EML6: variants seen among roughly 807,000 people sequenced by gnomAD.
EML6 encodes EMAP like 6.
A neutral mutation model predicts 240.1 loss-of-function variants in EML6; 154 were observed. That is an observed-to-expected ratio of 0.64 (90% confidence interval 0.56 to 0.73). EML6 has a LOEUF of 0.73. Among genes scored for constraint, EML6 ranks in the 30% least tolerant of loss-of-function variants. EML6 has a pLI of 0.00. For synonymous variants in EML6, 1,148 were observed against 899.0 expected (o/e 1.28, Z -4.95); for missense variants, 2,964 against 2,474.6 (o/e 1.20, Z -4.20).
intron 1 of EML6, among the ~76,000 whole-genome samples, 186 bp downstream of exon 1, chr2:54,723,963 C>T (rs970399008): frequency 6.6e-6 from 1 of 152,196 alleles, no homozygotes; most frequent in East Asian, 1.9e-4. Flanking sequence ...CCGGGTCCCT[C>T]GGGCGACCCC....
intron 28 of EML6, among the ~76,000 whole-genome samples, chr2:54,944,107 A>C (rs1033251342): frequency 6.6e-6 from 1 of 151,620 alleles, no homozygotes; most frequent in African/African-American, 2.4e-5. Flanking sequence ...TTCACCCTCT[A>C]CCATCTACCC....
intron 14 of EML6, chr2:54,867,240 C>T: frequency 5.9e-6 from 1 of 170,416 alleles, no homozygotes; most frequent in South Asian, 1.9e-4. Flanking sequence ...TTTGCTGGCT[C>T]CACCATAGGA....
chr2:54,959,381 G>T, intron 34 of EML6, 120 bp downstream of exon 34: 3 of 975,572 alleles, frequency 3.1e-6, no homozygotes, highest in Non-Finnish European at 4.4e-6. Context: ...TTTTGCATTA[G>T]GAAGATCAGT....
At chr2:54,917,583 G>C (rs1673992105) in intron 26 of EML6, among the ~76,000 whole-genome samples, 1 of 152,098 alleles carries the variant, frequency 6.6e-6, no homozygotes, top group Non-Finnish European at 1.5e-5. Flanking sequence ...GGCTGGTCTT[G>C]AACTCCTGAC....
chr2:54,857,313 G>C (rs1200055242), intron 11 of EML6, among the ~76,000 whole-genome samples: 4 of 152,182 alleles, frequency 2.6e-5, no homozygotes, highest in Admixed American at 2.6e-4. Flanking sequence ...GAGGTTGATA[G>C]AGAAGACATG....
At chr2:54,874,062 T>C (rs947170053) in intron 16 of EML6, among the ~76,000 whole-genome samples, 1 of 152,268 alleles carries the variant, frequency 6.6e-6, no homozygotes, top group Non-Finnish European at 1.5e-5. Flanking sequence ...ATTTCCTCTA[T>C]AGAGTTGATT....
chr2:54,910,825 C>A, intron 24 of EML6, 129 bp from the exon 25 acceptor site: 1 of 559,180 alleles, frequency 1.8e-6, no homozygotes, highest in Non-Finnish European at 3.3e-6. Flanking sequence ...CTGAATAATT[C>A]AAAATGTATT....
At chr2:54,865,155 T>C (rs903105650) in intron 13 of EML6, among the ~76,000 whole-genome samples, 5 of 152,088 alleles carry the variant, frequency 3.3e-5, no homozygotes, top group African/African-American at 9.7e-5. Context: ...AAGAAATCTT[T>C]AATTGGGAAG....
intron 11 of EML6, among the ~76,000 whole-genome samples, chr2:54,856,603 C>A (rs1670394845): frequency 6.6e-6 from 1 of 152,142 alleles, no homozygotes; most frequent in Non-Finnish European, 1.5e-5. Context: ...TTCCATATGT[C>A]ATGGATAAGC....
At chr2:54,896,352 G>A (rs970603040) in intron 21 of EML6, among the ~76,000 whole-genome samples, 2 of 152,152 alleles carry the variant, frequency 1.3e-5, no homozygotes, top group Non-Finnish European at 2.9e-5. Flanking sequence ...TATAGTCTCA[G>A]CCTTGGTCCA....
At chr2:54,745,195 G>A (rs1422171682) in intron 2 of EML6, among the ~76,000 whole-genome samples, 2 of 152,160 alleles carry the variant, frequency 1.3e-5, no homozygotes, top group Non-Finnish European at 2.9e-5. Flanking sequence ...AAGCAGAGAG[G>A]TATTACAGAA....
intron 21 of EML6, among the ~76,000 whole-genome samples, chr2:54,897,583 T>A (rs1204722431): frequency 6.6e-6 from 1 of 152,214 alleles, no homozygotes; most frequent in Non-Finnish European, 1.5e-5. Context: ...TCTCTTAGCT[T>A]GGACACTTCA....
At chr2:54,923,361 C>G (rs1482934955) in intron 26 of EML6, among the ~76,000 whole-genome samples, 2 of 85,704 alleles carry the variant, frequency 2.3e-5, no homozygotes, top group Admixed American at 2.9e-4. Context: ...AGTGTCCTCA[C>G]CAAACGCACA....
intron 11 of EML6, 134 bp from the exon 12 acceptor site, chr2:54,859,400 A>G (rs888231717): frequency 1.5e-6 from 1 of 680,074 alleles, no homozygotes; most frequent in East Asian, 2.9e-5. Context: ...TATTTGTTAC[A>G]ATATGTAAGA....
chr2:54,814,592 G>A (rs1053720432), intron 3 of EML6, among the ~76,000 whole-genome samples: 3 of 151,984 alleles, frequency 2.0e-5, no homozygotes, highest in African/African-American at 7.3e-5. Flanking sequence ...TCTAATTTTT[G>A]ACAAGTTTCA....
intron 2 of EML6, among the ~76,000 whole-genome samples, chr2:54,762,986 G>A (rs954497929): frequency 6.6e-6 from 1 of 152,136 alleles, no homozygotes; most frequent in African/African-American, 2.4e-5. Context: ...AACATCTTAA[G>A]TTTATACTGG....
chr2:54,791,556 A>G (rs1669453977), intron 2 of EML6, among the ~76,000 whole-genome samples: 3 of 152,186 alleles, frequency 2.0e-5, no homozygotes, highest in Admixed American at 6.5e-5. Context: ...CAGTCAGTGG[A>G]TTCTATAATT....
chr2:54,833,631 A>G (rs950203738), intron 7 of EML6, among the ~76,000 whole-genome samples: 2 of 152,184 alleles, frequency 1.3e-5, no homozygotes, highest in African/African-American at 4.8e-5. Flanking sequence ...CCCAAGGGTT[A>G]GTCAAAGAAA....
intron 17 of EML6, among the ~76,000 whole-genome samples, chr2:54,888,189 A>G (rs542408422): frequency 7.4e-4 from 113 of 152,332 alleles, no homozygotes; most frequent in Admixed American, 2.9e-3. Flanking sequence ...GCAGAGGGTA[A>G]TGAGGCATGA....
Sources: gnomAD v4.1 joint callset for allele counts (sites outside exome capture counted in the v4.1 genomes callset) on GRCh38, gnomAD v4.1.1 for gene constraint, MANE v1.5 for transcripts, NCBI Gene and HGNC (gene_info 2026-07-23, HGNC 2026-07-21) for gene names.